The following ITGA9 variants were observed in gnomAD, a reference collection of about 807,000 sequenced individuals.
ITGA9 encodes the protein integrin alpha-9.
Under a neutral mutation model 127.8 loss-of-function variants are expected in ITGA9, and 56 were observed. That is an observed-to-expected ratio of 0.44 (90% CI 0.35 to 0.55). The LOEUF (loss-of-function observed/expected upper bound fraction) is 0.55, where lower values mean the gene tolerates loss of function less well. Ranked by LOEUF, ITGA9 falls within the 20% of genes least tolerant of loss-of-function variation. The pLI is 0.00. For missense variants in ITGA9, 1,196 were observed against 1,347.1 expected, an observed-to-expected ratio of 0.89 and a Z score of 1.76; for synonymous variants, 508 against 514.5, an observed-to-expected ratio of 0.99 and a Z score of 0.17.
chr3:37,707,617 C>T (rs752504870), intron 18 of ITGA9, among the ~76,000 whole-genome samples: 4 of 152,186 alleles, frequency 2.6e-5, no homozygotes, highest in Admixed American at 6.5e-5. Flanking sequence ...ATCACCTGTG[C>T]ACATTCTGCT....
intron 14 of ITGA9, among the ~76,000 whole-genome samples, chr3:37,541,886 C>T (rs1004682971): frequency 6.6e-6 from 1 of 152,146 alleles, no homozygotes; most frequent in South Asian, 2.1e-4. Flanking sequence ...TAAACGATGG[C>T]GGGCACATGG....
chr3:37,755,758 T>G (rs928213656), intron 23 of ITGA9, among the ~76,000 whole-genome samples: 1 of 152,072 alleles, frequency 6.6e-6, no homozygotes, highest in East Asian at 1.9e-4. Flanking sequence ...GATCATAATA[T>G]AAGAGTTAGA....
intron 19 of ITGA9, among the ~76,000 whole-genome samples, chr3:37,735,422 G>A (rs540342902): frequency 6.6e-6 from 1 of 152,204 alleles, no homozygotes; most frequent in Admixed American, 6.5e-5. Flanking sequence ...ATGGTCCATT[G>A]TAATGGACCA....
chr3:37,550,486 T>C (rs1575146534), intron 15 of ITGA9, among the ~76,000 whole-genome samples: 1 of 152,240 alleles, frequency 6.6e-6, no homozygotes, highest in African/African-American at 2.4e-5. Context: ...ATGACTTTTG[T>C]AGCATTTTGC....
At chr3:37,594,211 G>T (rs1264297385) in intron 15 of ITGA9, among the ~76,000 whole-genome samples, 3 of 152,178 alleles carry the variant, frequency 2.0e-5, no homozygotes, top group African/African-American at 4.8e-5. Context: ...TTGAGATAGG[G>T]GTCTGGCCCC....
chr3:37,536,131 G>C (rs1295688243), intron 14 of ITGA9, among the ~76,000 whole-genome samples: 1 of 152,216 alleles, frequency 6.6e-6, no homozygotes, highest in African/African-American at 2.4e-5. Flanking sequence ...CCAGGACACA[G>C]ATACCCTCCA....
chr3:37,623,230 T>C (rs1247516644), intron 15 of ITGA9, among the ~76,000 whole-genome samples: 3 of 152,234 alleles, frequency 2.0e-5, no homozygotes, highest in Non-Finnish European at 2.9e-5. Context: ...TGCTGTAGAA[T>C]TGGCAGATGC....
chr3:37,726,236 C>T (rs1044297809), intron 18 of ITGA9, among the ~76,000 whole-genome samples: 2 of 152,200 alleles, frequency 1.3e-5, no homozygotes, highest in Admixed American at 6.5e-5. Context: ...ACAAGGGTCA[C>T]GCTTGTTGTG....
At chr3:37,710,408 CCA>C (rs1553660604) in intron 18 of ITGA9, among the ~76,000 whole-genome samples, 1 of 151,456 alleles carries the variant, frequency 6.6e-6, no homozygotes, top group East Asian at 1.9e-4. Flanking sequence ...TATCCCCCCC[CCA>C]CACACATAAA....
Position 37,741,759 on chromosome 3 carries a change from A to G in ITGA9, c.2264A>G (p.His755Arg), listed in dbSNP as rs146401764. 1.9e-6 allele frequency: 3 copies of G among 1,613,896 alleles called. No homozygotes were observed. The highest frequency in any genetic ancestry group is 1.7e-5 in the Admixed American group (1 of 60,000). ...AACACGGAGCGCTCTGAATCCCTGC[A>G]TGACAACACCCTCGTGCTGATGGTG... ...SGNTERSESL[H>R]DNTLVLMVPL... The change falls in exon 21 of 28, where the codon CAT (histidine) becomes CGT (arginine). Residue 755 changes from histidine to arginine, a missense_variant. Transcript: ENST00000264741.
chr3:37,764,266 T>C (rs1696753430), intron 23 of ITGA9, among the ~76,000 whole-genome samples: 1 of 151,970 alleles, frequency 6.6e-6, no homozygotes, highest in African/African-American at 2.4e-5. Flanking sequence ...TCTCTCCATA[T>C]TCTCCAAATA....
intron 15 of ITGA9, among the ~76,000 whole-genome samples, chr3:37,599,916 T>A (rs1699901550): frequency 6.6e-6 from 1 of 152,162 alleles, no homozygotes; most frequent in Non-Finnish European, 1.5e-5. Flanking sequence ...GTAGGGGAGA[T>A]CATCACCTCT....
chr3:37,497,584 A>G (rs1321499046), intron 5 of ITGA9, among the ~76,000 whole-genome samples: 1 of 152,228 alleles, frequency 6.6e-6, no homozygotes, highest in Middle Eastern at 3.2e-3. Flanking sequence ...ACATTGTGTG[A>G]TAGAAACTAA....
intron 15 of ITGA9, among the ~76,000 whole-genome samples, chr3:37,608,032 A>G (rs957767167): frequency 1.3e-5 from 2 of 152,216 alleles, no homozygotes; most frequent in African/African-American, 4.8e-5. Context: ...ACAGGTGAGC[A>G]TCCGATCTGC....
chr3:37,463,524 G>A (rs1181535176), intron 1 of ITGA9, among the ~76,000 whole-genome samples: 3 of 152,188 alleles, frequency 2.0e-5, no homozygotes, highest in Non-Finnish European at 4.4e-5. Flanking sequence ...TGGTGGTTGG[G>A]TAGGGTACCA....
intron 23 of ITGA9, among the ~76,000 whole-genome samples, chr3:37,765,777 C>T (rs1264407910): frequency 6.6e-6 from 1 of 152,196 alleles, no homozygotes; most frequent in Admixed American, 6.5e-5. Context: ...AGAGGCTGCC[C>T]TTTAACCTGT....
At chr3:37,589,824 G>A (rs1475178877) in intron 15 of ITGA9, among the ~76,000 whole-genome samples, 2 of 152,138 alleles carry the variant, frequency 1.3e-5, no homozygotes, top group African/African-American at 4.8e-5. Context: ...ACCGTGTAGG[G>A]CCTAGTAGAC....
At chr3:37,510,147 A>G (rs144679604) in intron 8 of ITGA9, among the ~76,000 whole-genome samples, 117 of 151,370 alleles carry the variant, frequency 7.7e-4, no homozygotes, top group African/African-American at 2.7e-3. Context: ...GACCACAGAC[A>G]TGTGCCACCA....
rs769528557 is a variant in ITGA9, at chr3:37,511,491, T to C, written c.898-2272T>C. 4.6e-5 allele frequency among the ~76,000 whole-genome samples: 7 copies of C among 152,364 alleles called. No homozygotes were observed. The Middle Eastern group carries it at 0.01, about 222-fold the overall frequency. ...ACATTGATGAAGATGCCAAGTTAAATAGTCCTTTGGAATGAAACAAATAGT... is the reference window on the plus strand; with the variant it reads ...ACATTGATGAAGATGCCAAGTTAAACAGTCCTTTGGAATGAAACAAATAGT... On this transcript the variant is annotated intron_variant, in intron 8 of 27. Coordinates refer to ENST00000264741, the MANE Select transcript of ITGA9 (RefSeq NM_002207.3).
Sources: gnomAD v4.1 joint callset for allele counts (sites outside exome capture counted in the v4.1 genomes callset) on GRCh38, gnomAD v4.1.1 for gene constraint, MANE v1.5 for transcripts, NCBI Gene and HGNC (gene_info 2026-07-23, HGNC 2026-07-21) for gene names.